CDH11: variants seen among roughly 807,000 people sequenced by gnomAD.
The protein encoded by CDH11 is cadherin-11.
A neutral mutation model predicts 67.8 loss-of-function variants in CDH11; 11 were observed. The observed-to-expected ratio is 0.16, with a 90% CI of 0.10 to 0.27. The LOEUF is 0.27. Among genes scored for constraint, CDH11 ranks in the 10% least tolerant of loss-of-function variants. CDH11 has a pLI of 1.00. For synonymous variants in CDH11, 419 were observed against 400.0 expected, an observed-to-expected ratio of 1.05 and a Z score of -0.57; for missense variants, 847 against 1,031.2, an observed-to-expected ratio of 0.82 and a Z score of 2.45.
chr16:65,067,943 G>A (rs1241338712), intron 1 of CDH11, among the ~76,000 whole-genome samples: 3 of 117,300 alleles, frequency 2.6e-5, no homozygotes, highest in East Asian at 3.0e-4. Context: ...AGAAATGAAC[G>A]GAGGGAGGGA....
At chr16:65,019,804 G>T (rs2073385250) in intron 2 of CDH11, among the ~76,000 whole-genome samples, 1 of 151,724 alleles carries the variant, frequency 6.6e-6, no homozygotes, top group Non-Finnish European at 1.5e-5. Context: ...TTATTTACAA[G>T]GTTAATTTTT....
chr16:65,097,977 C>T (rs2074928488), intron 1 of CDH11, among the ~76,000 whole-genome samples: 1 of 152,204 alleles, frequency 6.6e-6, no homozygotes, highest in Non-Finnish European at 1.5e-5. Flanking sequence ...GCCACTCAAA[C>T]TCAGCCTAGG....
chr16:65,084,632 C>G (rs557946945), intron 1 of CDH11, among the ~76,000 whole-genome samples: 1 of 152,218 alleles, frequency 6.6e-6, no homozygotes, highest in South Asian at 2.1e-4. Flanking sequence ...GGGAAGCATC[C>G]TGAGTATCTG....
At chr16:65,112,794 T>C (rs1567586888) in intron 1 of CDH11, among the ~76,000 whole-genome samples, 1 of 152,200 alleles carries the variant, frequency 6.6e-6, no homozygotes, top group Non-Finnish European at 1.5e-5. Flanking sequence ...TTTTGCAAAG[T>C]ATTATCAAAC....
intron 1 of CDH11, among the ~76,000 whole-genome samples, chr16:65,065,266 T>C (rs548745490): frequency 6.6e-6 from 1 of 152,312 alleles, no homozygotes; most frequent in East Asian, 1.9e-4. Context: ...CTGTGACGCA[T>C]GCCGTGCATT....
At chr16:65,094,490 G>C (rs554497971) in intron 1 of CDH11, 51 of 151,970 alleles carry the variant, frequency 3.4e-4, no homozygotes, top group African/African-American at 1.0e-3. Context: ...AAATATGCAG[G>C]TGTATATATA....
At chr16:64,966,338 A>G (rs1477920647) in intron 11 of CDH11, among the ~76,000 whole-genome samples, 1 of 152,072 alleles carries the variant, frequency 6.6e-6, no homozygotes, top group Non-Finnish European at 1.5e-5. Flanking sequence ...TAAGCTCAAT[A>G]AGATTCACAA....
At position 64,971,913 on chromosome 16, in the gene CDH11, T is replaced by G. The variant is rs927512777; in HGVS notation, c.1524+18A>C. ...CAAGTGCATTGTTCCTAGCCAAGAA[T>G]AGGGAAAGCAGGATTACCTGGTTGG... On this transcript the variant is annotated intron_variant, in intron 10 of 12. Transcript: ENST00000268603. The G allele has an allele frequency of 1.2e-6, 2 of 1,613,266 alleles. No homozygotes were observed. The highest frequency in any genetic ancestry group is 2.7e-5 in the African/African-American group (2 of 74,880).
intron 11 of CDH11, among the ~76,000 whole-genome samples, chr16:64,953,987 A>C (rs1040034822): frequency 2.6e-5 from 4 of 152,230 alleles, no homozygotes; most frequent in Non-Finnish European, 5.9e-5. Context: ...TGTGGAAGTC[A>C]TAATTTAAAA....
At chr16:65,067,040 G>A (rs2074323825) in intron 1 of CDH11, among the ~76,000 whole-genome samples, 1 of 152,154 alleles carries the variant, frequency 6.6e-6, no homozygotes, top group Admixed American at 6.5e-5. Flanking sequence ...GTGGTGTGGT[G>A]GGGAGAGCTG....
rs148073252 is a variant in CDH11 at position 65,036,656 on chromosome 16, C to T, written c.-173+17148G>A. Among the ~76,000 whole-genome samples the T allele has an allele frequency of 1.7e-3, 259 of 152,238 alleles. 1 individual carries two copies. The highest frequency in any genetic ancestry group is 6.8e-3 in the Middle Eastern group (2 of 294). ...TGCCTGCAGGATGTCGTTTTGGAAA[C>T]GTCATATGTTCTACTAAGACAGACC... is the stretch of plus-strand genomic sequence containing the variant. On this transcript the variant is annotated intron_variant, in intron 2 of 12. Coordinates refer to ENST00000268603, the MANE Select transcript of CDH11 (RefSeq NM_001797.4).
chr16:65,025,849 C>T (rs186454863), intron 2 of CDH11, among the ~76,000 whole-genome samples: 1 of 152,112 alleles, frequency 6.6e-6, no homozygotes, highest in African/African-American at 2.4e-5. Flanking sequence ...GTAGTGTTGA[C>T]CTGTGAGTAT....
intron 12 of CDH11, among the ~76,000 whole-genome samples, chr16:64,950,032 A>C (rs996696587): frequency 6.6e-6 from 1 of 152,124 alleles, no homozygotes; most frequent in Non-Finnish European, 1.5e-5. Context: ...TCAGACATGC[A>C]TAGGTTTGAA....
intron 1 of CDH11, among the ~76,000 whole-genome samples, chr16:65,105,125 TA>T (rs751121148): frequency 7.0e-6 from 1 of 143,444 alleles, no homozygotes; most frequent in Non-Finnish European, 1.6e-5. Flanking sequence ...CAAGTTACAA[TA>T]TTTTTTTTAA....
At chr16:65,005,381 A>C (rs534534644) in intron 2 of CDH11, among the ~76,000 whole-genome samples, 3 of 152,238 alleles carry the variant, frequency 2.0e-5, no homozygotes, top group Non-Finnish European at 2.9e-5. Context: ...AAAGGAGTCC[A>C]GATGAGGAAC....
At chr16:65,072,448 A>G (rs1476908962) in intron 1 of CDH11, among the ~76,000 whole-genome samples, 1 of 152,206 alleles carries the variant, frequency 6.6e-6, no homozygotes, top group Non-Finnish European at 1.5e-5. Flanking sequence ...CAGGGTCCCA[A>G]TCCAAAAGGG....
Position 64,963,999 on chromosome 16 carries a change from T to C in CDH11, c.1642+7580A>G, listed in dbSNP as rs555665961. Among the ~76,000 whole-genome samples the C allele has an allele frequency of 2.0e-5, 3 of 152,256 alleles. 1 individual carries two copies. In the South Asian group the frequency reaches 6.2e-4, roughly 32 times the overall value. On this transcript the variant is annotated intron_variant, in intron 11 of 12. Transcript: ENST00000268603. ...AGAACATGGGTCAGAAATCTGGATATACAGAGAGAAAAGAAGAGCGTGGAA... is the reference window on the plus strand; with the variant it reads ...AGAACATGGGTCAGAAATCTGGATACACAGAGAGAAAAGAAGAGCGTGGAA...
intron 11 of CDH11, among the ~76,000 whole-genome samples, chr16:64,964,963 T>C (rs1290808559): frequency 6.6e-6 from 1 of 152,134 alleles, no homozygotes; most frequent in African/African-American, 2.4e-5. Flanking sequence ...TTGTTACATA[T>C]GTATACATGT....
rs192074915 is a variant in CDH11 at position 65,111,798 on chromosome 16, G to A, written c.-298+10082C>T. Among the ~76,000 whole-genome samples the A allele has an allele frequency of 9.1e-4, 138 of 152,022 alleles. 2 individuals carry two copies. Among genetic ancestry groups the A allele is most frequent in the Non-Finnish European group, 1.1e-3 (72 of 67,996 alleles). On this transcript the variant is annotated intron_variant, in intron 1 of 12. Coordinates refer to ENST00000268603, the MANE Select transcript of CDH11 (RefSeq NM_001797.4). ...TAAAAATGAATAATTGCAACAGGGC[G>A]CGGTGGTTCACGCCTGTAATCTCAG... is the stretch of plus-strand genomic sequence containing the variant.
Sources: gnomAD v4.1 joint callset for allele counts (sites outside exome capture counted in the v4.1 genomes callset) on GRCh38, gnomAD v4.1.1 for gene constraint, MANE v1.5 for transcripts, NCBI Gene and HGNC (gene_info 2026-07-23, HGNC 2026-07-21) for gene names.